The following HIVEP3 variants were observed in gnomAD, a reference collection of about 807,000 sequenced individuals.
HIVEP3 encodes the protein HIVEP zinc finger 3, also known as transcription factor HIVEP3.
A neutral mutation model predicts 152.8 loss-of-function variants in HIVEP3; 49 were observed. The observed-to-expected ratio is 0.32, with a 90% CI of 0.26 to 0.41. The LOEUF (loss-of-function observed/expected upper bound fraction) is 0.41, where lower values mean the gene tolerates loss of function less well. Among genes scored for constraint, HIVEP3 ranks in the 10% least tolerant of loss-of-function variants. HIVEP3 has a pLI of 1.00. For synonymous variants in HIVEP3, 1,269 were observed against 1,289.0 expected (o/e 0.98, Z 0.33); for missense variants, 2,790 against 3,103.3 (o/e 0.90, Z 2.40).
intron 1 of HIVEP3, among the ~76,000 whole-genome samples, chr1:41,969,630 T>C (rs547086523): frequency 6.6e-6 from 1 of 152,180 alleles, no homozygotes; most frequent in African/African-American, 2.4e-5. Flanking sequence ...GGAAATACCA[T>C]TCAGGACACA....
At chr1:41,942,626 G>C (rs1329034746) in intron 1 of HIVEP3, among the ~76,000 whole-genome samples, 1 of 152,184 alleles carries the variant, frequency 6.6e-6, no homozygotes, top group Non-Finnish European at 1.5e-5. Context: ...CTAGCAATAT[G>C]TAAAATGATA....
At chr1:41,757,591 C>G (rs1370542876) in intron 1 of HIVEP3, among the ~76,000 whole-genome samples, 1 of 151,978 alleles carries the variant, frequency 6.6e-6, no homozygotes, top group Admixed American at 6.6e-5. Context: ...AAAACAACAA[C>G]AAAACCCAAA....
intron 1 of HIVEP3, among the ~76,000 whole-genome samples, chr1:41,711,595 T>G (rs1296158071): frequency 1.3e-5 from 2 of 152,230 alleles, no homozygotes; most frequent in Admixed American, 1.3e-4. Flanking sequence ...ACACCGATCC[T>G]GCATAGCCTT....
At chr1:41,977,176 G>A (rs1004793830) in intron 1 of HIVEP3, among the ~76,000 whole-genome samples, 1 of 152,148 alleles carries the variant, frequency 6.6e-6, no homozygotes, top group Non-Finnish European at 1.5e-5. Flanking sequence ...GACTAAGGTG[G>A]AGAGAGGGAG....
At chr1:41,869,569 T>A (rs1294365148) in intron 1 of HIVEP3, 1 of 152,264 alleles carries the variant, frequency 6.6e-6, no homozygotes, top group African/African-American at 2.4e-5. Flanking sequence ...GGTTTCCATG[T>A]TTGATGACTG....
intron 5 of HIVEP3, among the ~76,000 whole-genome samples, chr1:41,538,188 C>A (rs1643445148): frequency 6.6e-6 from 1 of 152,124 alleles, no homozygotes; most frequent in African/African-American, 2.4e-5. Flanking sequence ...CAGGGTCAGA[C>A]CTGAGACTCC....
chr1:41,845,848 C>T (rs575723687), intron 1 of HIVEP3, among the ~76,000 whole-genome samples: 244 of 152,226 alleles, frequency 1.6e-3, no homozygotes, highest in Middle Eastern at 3.4e-3. Context: ...AGGTGGATCA[C>T]CTGAGGTCAG....
At chr1:41,523,087 G>A (rs1195085538) in intron 6 of HIVEP3, among the ~76,000 whole-genome samples, 1 of 152,256 alleles carries the variant, frequency 6.6e-6, no homozygotes, top group African/African-American at 2.4e-5. Context: ...GGGGACTTGG[G>A]TGATAAGTTT....
intron 2 of HIVEP3, among the ~76,000 whole-genome samples, chr1:41,683,885 G>A (rs1040117007): frequency 9.9e-5 from 15 of 152,244 alleles, no homozygotes; most frequent in Admixed American, 3.9e-4. Context: ...CACCCTCCTG[G>A]TCCTATCACT....
chr1:41,580,434 G>C lies in HIVEP3; in HGVS notation c.4364C>G (p.Ala1455Gly). The change falls in exon 4 of 9, where the codon GCT (alanine) becomes GGT (glycine). Residue 1455 changes from alanine (A) to glycine (G), a missense_variant. Ala to Gly is a moderately conservative substitution (Grantham distance 60). Transcript: ENST00000372583. ...QQQKRVKEEE[A>G]SKADEKLELV... ...CTCAAGTTTTTCATCTGCCTTGGAAGCCTCCTCCTCCTTCACTCTTTTTTG... is the reference window on the plus strand; with the variant it reads ...CTCAAGTTTTTCATCTGCCTTGGAACCCTCCTCCTCCTTCACTCTTTTTTG... The C allele has an allele frequency of 6.8e-6, 11 of 1,614,176 alleles. No homozygotes were observed. Among genetic ancestry groups the C allele is most frequent in the Non-Finnish European group, 9.3e-6 (11 of 1,180,032 alleles).
At chr1:41,965,743 C>G (rs1011275863) in intron 1 of HIVEP3, among the ~76,000 whole-genome samples, 2 of 152,124 alleles carry the variant, frequency 1.3e-5, no homozygotes, top group South Asian at 2.1e-4. Flanking sequence ...AAGGACCAAA[C>G]CTACGACTGA....
chr1:41,985,338 C>T (rs868055697), intron 1 of HIVEP3, among the ~76,000 whole-genome samples: 1 of 152,112 alleles, frequency 6.6e-6, no homozygotes, highest in Non-Finnish European at 1.5e-5. Context: ...TAACAAATTG[C>T]CAGAGACTGG....
intron 8 of HIVEP3, among the ~76,000 whole-genome samples, chr1:41,512,381 T>A (rs1305233509): frequency 2.6e-5 from 4 of 152,288 alleles, no homozygotes; most frequent in South Asian, 4.1e-4. Context: ...CTGTTCCCGC[T>A]TTGCCTTCTG....
intron 1 of HIVEP3, among the ~76,000 whole-genome samples, chr1:41,734,745 C>T (rs945349861): frequency 4.6e-5 from 7 of 152,236 alleles, no homozygotes; most frequent in Admixed American, 3.3e-4. Flanking sequence ...CAGCCAGCCC[C>T]GGGGCAGGAC....
intron 1 of HIVEP3, among the ~76,000 whole-genome samples, chr1:41,770,125 C>T (rs2137364): frequency 0.32 from 48,625 of 151,726 alleles, 8,799 homozygotes; most frequent in East Asian, 0.47. Flanking sequence ...CCCACCACCA[C>T]GCCCGGCTAA....
intron 1 of HIVEP3, among the ~76,000 whole-genome samples, chr1:41,963,090 C>A (rs187131745): frequency 2.2e-4 from 34 of 152,346 alleles, no homozygotes; most frequent in Admixed American, 2.1e-3. Context: ...CGGCTCACTG[C>A]AAACTCTGCC....
Position 41,581,853 on chromosome 1 carries a change from T to TGGTGGCTG in HIVEP3, c.2937_2944dup (p.His982ProfsTer27). 1 of 1,603,280 alleles carries TGGTGGCTG rather than the reference T, an allele frequency of 6.2e-7. No homozygotes were observed. The highest frequency in any genetic ancestry group is 8.5e-7 in the Non-Finnish European group (1 of 1,173,674). Reference sequence around the variant, plus strand: ...CCTCCGCATCTCTCGGGCATGTGGGTGGTGGCTGGGGACAGTCAACATGTG... The same window carrying TGGTGGCTG: ...CCTCCGCATCTCTCGGGCATGTGGGTGGTGGCTGGGTGGCTGGGGACAGTCAACATGTG... On this transcript the variant is annotated frameshift_variant, in exon 4 of 9. Coordinates refer to ENST00000372583, the MANE Select transcript of HIVEP3 (RefSeq NM_024503.5). LOFTEE classifies it high-confidence loss of function. This position sits in a 1 kb window ranked among gnomAD's most constrained non-coding sequence, Gnocchi z 4.5.
intron 1 of HIVEP3, among the ~76,000 whole-genome samples, chr1:41,917,693 T>A (rs912021693): frequency 6.6e-6 from 1 of 152,074 alleles, no homozygotes; most frequent in East Asian, 1.9e-4. Context: ...GATAGTAAAA[T>A]GTGGGGCATA....
At chr1:41,641,974 G>A (rs1289783394) in intron 2 of HIVEP3, among the ~76,000 whole-genome samples, 1 of 152,218 alleles carries the variant, frequency 6.6e-6, no homozygotes, top group Non-Finnish European at 1.5e-5. Context: ...GAATGACAGT[G>A]GCGCCTACCT....
Sources: allele counts gnomAD v4.1 joint callset (sites outside exome capture counted in the v4.1 genomes callset), GRCh38; gene constraint gnomAD v4.1.1; non-coding constraint Gnocchi (gnomAD v3.1); transcripts MANE v1.5; gene names NCBI Gene and HGNC (gene_info 2026-07-23, HGNC 2026-07-21).